The following ITGA9 variants were observed in gnomAD, a reference collection of about 807,000 sequenced individuals.
ITGA9 encodes integrin alpha-9.
In ITGA9, 56 loss-of-function variants were observed where a neutral mutation model predicts 127.8. The observed-to-expected ratio is 0.44, with a 90% CI of 0.35 to 0.55. The LOEUF is 0.55. ITGA9 is among the 20% of genes least tolerant of loss of function. The pLI is 0.00. For missense variants in ITGA9, 1,196 were observed against 1,347.1 expected (o/e 0.89, Z 1.76); for synonymous variants, 508 against 514.5 (o/e 0.99, Z 0.17).
At chr3:37,555,439 C>T (rs1247268793) in intron 15 of ITGA9, among the ~76,000 whole-genome samples, 2 of 152,246 alleles carry the variant, frequency 1.3e-5, no homozygotes, top group African/African-American at 4.8e-5. Flanking sequence ...TGACTTTTTA[C>T]TTTTCTATAC....
At chr3:37,694,550 A>G (rs1343817028) in intron 18 of ITGA9, among the ~76,000 whole-genome samples, 1 of 152,200 alleles carries the variant, frequency 6.6e-6, no homozygotes, top group African/African-American at 2.4e-5. Flanking sequence ...TTGTGTATTC[A>G]CTGCGTTTGG....
At chr3:37,763,805 C>G (rs1389438255) in intron 23 of ITGA9, among the ~76,000 whole-genome samples, 1 of 152,210 alleles carries the variant, frequency 6.6e-6, no homozygotes, top group Non-Finnish European at 1.5e-5. Context: ...TCTTCCCCAT[C>G]ATGAACACAT....
intron 16 of ITGA9, among the ~76,000 whole-genome samples, chr3:37,637,517 C>T (rs545105232): frequency 2.6e-5 from 4 of 152,216 alleles, no homozygotes; most frequent in African/African-American, 9.6e-5. Flanking sequence ...TGCTTATCAG[C>T]TTGAGGAGAT....
At chr3:37,627,109 G>A (rs1169708852) in intron 15 of ITGA9, among the ~76,000 whole-genome samples, 1 of 152,140 alleles carries the variant, frequency 6.6e-6, no homozygotes, top group Non-Finnish European at 1.5e-5. Flanking sequence ...AGTTCAAGAG[G>A]CGTTTTCTGG....
chr3:37,695,715 C>A (rs566596398), intron 18 of ITGA9, among the ~76,000 whole-genome samples: 8 of 152,294 alleles, frequency 5.3e-5, no homozygotes, highest in African/African-American at 1.4e-4. Flanking sequence ...AACTAGTGAG[C>A]CTGTCCTGCT....
chr3:37,463,968 A>G (rs1159678381), intron 1 of ITGA9, among the ~76,000 whole-genome samples: 1 of 152,214 alleles, frequency 6.6e-6, no homozygotes, highest in Non-Finnish European at 1.5e-5. Flanking sequence ...CAGGGAGGTA[A>G]AGGAAAACAA....
At chr3:37,514,487 G>A (rs1186982598) in intron 9 of ITGA9, among the ~76,000 whole-genome samples, 1 of 152,216 alleles carries the variant, frequency 6.6e-6, no homozygotes. Flanking sequence ...GCAGAGCTGG[G>A]CAAGTGGGTT....
chr3:37,675,931 A>G (rs1700677515), intron 17 of ITGA9, among the ~76,000 whole-genome samples: 1 of 152,058 alleles, frequency 6.6e-6, no homozygotes, highest in African/African-American at 2.4e-5. Flanking sequence ...TTTAGTAGAG[A>G]CAGGGTTTCA....
intron 1 of ITGA9, among the ~76,000 whole-genome samples, chr3:37,462,174 T>G (rs1231056745): frequency 6.6e-6 from 1 of 152,222 alleles, no homozygotes; most frequent in Non-Finnish European, 1.5e-5. Context: ...CTCCCCTCAG[T>G]GTGTCTGCCA....
At position 37,653,274 on chromosome 3, in the gene ITGA9, A is replaced by G. The variant is rs533510330; in HGVS notation, c.1840-440A>G. 7.2e-5 allele frequency among the ~76,000 whole-genome samples: 11 copies of G among 152,354 alleles called. No individual in the cohort carries two copies. In the South Asian group the frequency reaches 2.3e-3, roughly 32 times the overall value. On this transcript the variant is annotated intron_variant, in intron 16 of 27. Coordinates refer to ENST00000264741, the MANE Select transcript of ITGA9 (RefSeq NM_002207.3). ...CCATTGCTCAGGCAGAACCTATTTCATATATAAATTTCCTGCATCCCCAAG... is the reference window on the plus strand; with the variant it reads ...CCATTGCTCAGGCAGAACCTATTTCGTATATAAATTTCCTGCATCCCCAAG...
intron 17 of ITGA9, among the ~76,000 whole-genome samples, chr3:37,680,519 G>A (rs1700725592): frequency 6.6e-6 from 1 of 152,164 alleles, no homozygotes; most frequent in Non-Finnish European, 1.5e-5. Flanking sequence ...TTGGGGATTG[G>A]CAGAAGTTTA....
intron 8 of ITGA9, among the ~76,000 whole-genome samples, chr3:37,512,056 C>CTTTCTTTG (rs1559524634): frequency 2.3e-5 from 1 of 44,370 alleles, no homozygotes; most frequent in Non-Finnish European, 4.8e-5. Flanking sequence ...TTCTTTCTTT[C>CTTTCTTTG]TTTCTTTCTT....
chr3:37,667,830 G>A (rs1400390290), intron 17 of ITGA9, among the ~76,000 whole-genome samples: 1 of 152,208 alleles, frequency 6.6e-6, no homozygotes, highest in Non-Finnish European at 1.5e-5. Context: ...AGAAACACCT[G>A]GTGGGAGGCT....
At chr3:37,697,190 T>A (rs1039206108) in intron 18 of ITGA9, among the ~76,000 whole-genome samples, 22 of 152,266 alleles carry the variant, frequency 1.4e-4, no homozygotes, top group Middle Eastern at 6.8e-3. Context: ...CTTGCTGTAT[T>A]ACCAACAGGT....
chr3:37,724,440 A>G (rs1701224797), intron 18 of ITGA9, among the ~76,000 whole-genome samples: 1 of 152,154 alleles, frequency 6.6e-6, no homozygotes, highest in South Asian at 2.1e-4. Context: ...TATTCAACCA[A>G]TAGTTTTTCC....
At chr3:37,740,296 G>T (rs185202312) in intron 20 of ITGA9, among the ~76,000 whole-genome samples, 1 of 152,110 alleles carries the variant, frequency 6.6e-6, no homozygotes, top group Non-Finnish European at 1.5e-5. Flanking sequence ...AGGTCTAGGG[G>T]ACTCTTTTCT....
At position 37,490,975 on chromosome 3, in the gene ITGA9, CTT is replaced by C. The variant is rs1553642022; in HGVS notation, c.545-3508_545-3507del. 1.3e-3 allele frequency among the ~76,000 whole-genome samples: 139 copies of C among 105,076 alleles called. 2 individuals are homozygous for C. The highest frequency in any genetic ancestry group is 3.8e-3 in the East Asian group (11 of 2,894). The allele number at this position is 105,076 out of a possible 152,430, so 68.9% of individuals were successfully genotyped here. The stretch of plus-strand genomic sequence containing the variant: ...GGTCTCAGATTTGGCTTCCCCCCCG[CTT>C]TTTTTTTTTTTTTTTTTGAGACCGA... On this transcript the variant is annotated intron_variant, in intron 4 of 27. Coordinates refer to ENST00000264741, the MANE Select transcript of ITGA9 (RefSeq NM_002207.3).
At chr3:37,755,456 A>C (rs1171829616) in intron 23 of ITGA9, among the ~76,000 whole-genome samples, 3 of 152,170 alleles carry the variant, frequency 2.0e-5, no homozygotes, top group Admixed American at 2.0e-4. Context: ...CTAATACCAG[A>C]GGGTGCAGTA....
At chr3:37,457,087 AAG>A (rs1465976075) in intron 1 of ITGA9, among the ~76,000 whole-genome samples, 1 of 152,198 alleles carries the variant, frequency 6.6e-6, no homozygotes, top group African/African-American at 2.4e-5. Context: ...GAAAAAGAAA[AAG>A]AAAAAAAATC....
Sources: gnomAD v4.1 joint callset for allele counts (sites outside exome capture counted in the v4.1 genomes callset) on GRCh38, gnomAD v4.1.1 for gene constraint, MANE v1.5 for transcripts, NCBI Gene and HGNC (gene_info 2026-07-23, HGNC 2026-07-21) for gene names.